Variants in GALNS observed in about 807,000 individuals in gnomAD.
GALNS encodes N-acetylgalactosamine-6-sulfatase.
Under a neutral mutation model 65.9 loss-of-function variants are expected in GALNS, and 65 were observed. The ratio of observed to expected loss-of-function variants is 0.99; its 90% CI spans 0.81 to 1.21. The LOEUF (loss-of-function observed/expected upper bound fraction) is 1.21, where lower values mean the gene tolerates loss of function less well. Among genes scored for constraint, GALNS ranks in the 50% most tolerant of loss-of-function variants. GALNS has a pLI of 0.00. For synonymous variants in GALNS, 346 were observed against 288.9 expected, an observed-to-expected ratio of 1.20 and a Z score of -2.00; for missense variants, 776 against 700.7, an observed-to-expected ratio of 1.11 and a Z score of -1.21.
At position 88,837,715 on chromosome 16, in the gene GALNS, T is replaced by G. The variant is rs1025826161; in HGVS notation, c.473A>C (p.Glu158Ala). The change falls in exon 5 of 14, where the codon GAG becomes GCG. Residue 158 changes from glutamate to alanine, a missense_variant. Transcript: ENST00000268695. ...GTGGCAGTTGGGGGATCCAAACCAC[T>G]CATCAAATCCGTGCTTCAGGGGGTG... The part of the protein sequence containing the change: ...QFHPLKHGFD[E>A]WFGSPNCHFG... 6.2e-7 allele frequency: 1 copy of G among 1,613,938 alleles called. No homozygotes were observed. The highest frequency in any genetic ancestry group is 1.3e-5 in the African/African-American group (1 of 75,002).
chr16:88,824,474 A>G (rs999425032), intron 11 of GALNS, among the ~76,000 whole-genome samples: 24 of 152,116 alleles, frequency 1.6e-4, no homozygotes, highest in African/African-American at 5.8e-4. Context: ...CCCTGGCAGG[A>G]TGGAGAGGCC....
rs150734270 is a variant in GALNS, at chr16:88,826,714, C to T, written c.1127G>A (p.Arg376Gln). ...GTCTAGCACCAACCTGTCCATCAGC[C>T]GGCCCTGCAGGAGGGTGGGGAGGAG... ...LNLLPTLLQG[R>Q]LMDRPIFYYR... Residue 376 changes from arginine (R) to glutamine (Q), a missense_variant, in exon 10 of 14, where the codon CGG (arginine) becomes CAG (glutamine). Transcript: ENST00000268695. 3,529 of 1,612,536 alleles carry T rather than the reference C, an allele frequency of 2.2e-3. 7 individuals carry two copies. Among genetic ancestry groups the T allele is most frequent in the Admixed American group, 4.8e-3 (288 of 59,996 alleles).
chr16:88,824,019 T>C (rs540050985), intron 11 of GALNS, among the ~76,000 whole-genome samples: 1 of 152,324 alleles, frequency 6.6e-6, no homozygotes, highest in African/African-American at 2.4e-5. Flanking sequence ...GCTTCCCTCC[T>C]CAGCCTGGGT....
intron 13 of GALNS, chr16:88,816,095 C>A (rs1162236108): frequency 1.0e-6 from 1 of 985,318 alleles, no homozygotes; most frequent in African/African-American, 1.7e-5. Context: ...CCTCAGACCC[C>A]AGTGGCTCAG....
chr16:88,841,875 C>T, intron 3 of GALNS, 22 bp downstream of exon 3: 1 of 1,607,152 alleles, frequency 6.2e-7, no homozygotes. Context: ...AAGGGTGTCC[C>T]TGGAGGCGGT....
intron 13 of GALNS, chr16:88,816,401 C>T (rs1318618248): frequency 1.0e-6 from 1 of 985,322 alleles, no homozygotes; most frequent in Non-Finnish European, 1.2e-6. Context: ...ACTCAGGGGT[C>T]CTGAGACAGG....
intron 9 of GALNS, among the ~76,000 whole-genome samples, chr16:88,828,702 G>A (rs1911177019): frequency 6.6e-6 from 1 of 152,262 alleles, no homozygotes; most frequent in Non-Finnish European, 1.5e-5. Flanking sequence ...GCTGAAATTG[G>A]CATTTTTCTC....
chr16:88,833,100 A>G (rs1306398098), intron 8 of GALNS, among the ~76,000 whole-genome samples: 3 of 145,430 alleles, frequency 2.1e-5, no homozygotes, highest in East Asian at 4.0e-4. Flanking sequence ...AAAAAAAAAA[A>G]GAAAATATTT....
Position 88,831,826 on chromosome 16 carries a change from T to C in GALNS, c.1002+172A>G, listed in dbSNP as rs2061375. Among the ~76,000 whole-genome samples, 327 of 81,614 alleles carry C rather than the reference T, an allele frequency of 4.0e-3. 17 individuals carry two copies. Among genetic ancestry groups the C allele is most frequent in the African/African-American group, 0.014 (258 of 18,202 alleles). 53.5% of individuals were successfully genotyped at this position (81,614 alleles called of 152,430 possible). A position where few individuals can be genotyped will look rare whatever the true frequency, so the allele number is the denominator to read the frequency against. ...AGCACGGGGAGCGTGGGGAGGAGGG[T>C]GGTGAGGCTGAGCATGGGGTGCGTG... On this transcript the variant is annotated intron_variant, in intron 9 of 13. Transcript: ENST00000268695.
intron 8 of GALNS, 66 bp downstream of exon 8, chr16:88,835,147 G>T: frequency 6.5e-6 from 10 of 1,547,634 alleles, no homozygotes; most frequent in Non-Finnish European, 7.9e-6. Context: ...GGCACAGCCG[G>T]TCCAGGCACT....
chr16:88,819,149 G>A (rs1201050528), intron 12 of GALNS, among the ~76,000 whole-genome samples: 2 of 152,176 alleles, frequency 1.3e-5, no homozygotes, highest in African/African-American at 2.4e-5. Flanking sequence ...GGCTTCACAC[G>A]GAAGCTGCAT....
Position 88,825,328 on chromosome 16 carries a change from T to C in GALNS, c.1140-459A>G, listed in dbSNP as rs374456322. Among the ~76,000 whole-genome samples, 265 of 77,920 alleles carry C rather than the reference T, an allele frequency of 3.4e-3. 1 individual carries two copies. The highest frequency in any genetic ancestry group is 4.8e-3 in the Non-Finnish European group (218 of 45,548). The allele number at this position is 77,920 out of a possible 152,430, so 51.1% of individuals were successfully genotyped here. Reference sequence around the variant, plus strand: ...GGCCGGGGCGACTGGGTATCTGGGGTGCCTGGGTGTCTGGGGCTGGGGTGT... The same window carrying C: ...GGCCGGGGCGACTGGGTATCTGGGGCGCCTGGGTGTCTGGGGCTGGGGTGT... On this transcript the variant is annotated intron_variant, in intron 10 of 13. Coordinates refer to ENST00000268695, the MANE Select transcript of GALNS (RefSeq NM_000512.5).
intron 1 of GALNS, among the ~76,000 whole-genome samples, chr16:88,854,049 GC>G (rs918127392): frequency 5.9e-5 from 9 of 152,232 alleles, no homozygotes; most frequent in African/African-American, 2.2e-4. Flanking sequence ...GGGGGCCCAG[GC>G]CCCCCACTGC....
At chr16:88,841,789 C>T in intron 3 of GALNS, 108 bp downstream of exon 3, 1 of 964,234 alleles carries the variant, frequency 1.0e-6, no homozygotes, top group Non-Finnish European at 1.6e-6. Flanking sequence ...ACCAGCGGTA[C>T]CCCACCTGCA....
At position 88,837,638 on chromosome 16, in the gene GALNS, A is replaced by G. The variant is rs200132795; in HGVS notation, c.550T>C (p.Trp184Arg). 1 of 1,613,606 alleles carries G rather than the reference A, an allele frequency of 6.2e-7. No individual in the cohort carries two copies. Among genetic ancestry groups the G allele is most frequent in the East Asian group, 2.2e-5 (1 of 44,872 alleles). Residue 184 changes from tryptophan to arginine, a missense_variant, in exon 5 of 14, where the codon TGG becomes CGG. Transcript: ENST00000268695. ...ARPNIPVYRD[W>R]EMVGRYYEEF... ...CTCCATTACCTGCCAACCATCTCCC[A>G]GTCCCTGTACACAGGGATGTTGGGC...
intron 1 of GALNS, chr16:88,856,397 G>A (rs1337591407): frequency 2.8e-6 from 2 of 701,814 alleles, no homozygotes; most frequent in East Asian, 2.7e-5. Context: ...AAGAGTAGAG[G>A]GCGGGAAAGG....
intron 1 of GALNS, chr16:88,855,376 C>T (rs1430893657): frequency 1.4e-6 from 1 of 702,504 alleles, no homozygotes; most frequent in South Asian, 1.5e-5. Context: ...CTACACTGGC[C>T]CAGAGGAACT....
chr16:88,818,180 G>T, intron 12 of GALNS, 56 bp from the exon 13 acceptor site: 1 of 1,389,846 alleles, frequency 7.2e-7, no homozygotes, highest in Non-Finnish European at 9.9e-7. Flanking sequence ...GGACGGAGAG[G>T]GGCTGGCCTG....
At chr16:88,822,033 T>C (rs532571093) in intron 12 of GALNS, among the ~76,000 whole-genome samples, 155 of 151,778 alleles carry the variant, frequency 1.0e-3, no homozygotes, top group African/African-American at 3.6e-3. Flanking sequence ...CAGCCAAGTG[T>C]TGGGGCCTCT....
Sources: gnomAD v4.1 joint callset for allele counts (sites outside exome capture counted in the v4.1 genomes callset) on GRCh38, gnomAD v4.1.1 for gene constraint, MANE v1.5 for transcripts, NCBI Gene and HGNC (gene_info 2026-07-23, HGNC 2026-07-21) for gene names.